DYRK1B: variants seen among roughly 807,000 people sequenced by gnomAD.
The protein encoded by DYRK1B is dual specificity tyrosine phosphorylation regulated kinase 1B.
In DYRK1B, 20 loss-of-function variants were observed where a neutral mutation model predicts 57.1. That is an observed-to-expected ratio of 0.35 (90% CI 0.25 to 0.51). DYRK1B has a LOEUF of 0.51. DYRK1B is among the 20% of genes least tolerant of loss of function. DYRK1B has a pLI of 0.96. For missense variants in DYRK1B, 732 were observed against 886.3 expected (o/e 0.83, Z 2.21); for synonymous variants, 409 against 384.7 (o/e 1.06, Z -0.74).
chr19:39,832,068 A>C (rs771858153), intron 1 of DYRK1B, 100 bp from the exon 2 acceptor site: 92 of 1,297,214 alleles, frequency 7.1e-5, no homozygotes, highest in Non-Finnish European at 8.6e-5. Flanking sequence ...GGGCACAGAG[A>C]GAAGAGGAAA....
chr19:39,833,456 A>G, intron 1 of DYRK1B: 1 of 572,938 alleles, frequency 1.7e-6, no homozygotes, highest in Non-Finnish European at 2.2e-6. Flanking sequence ...AGCAGCCGCC[A>G]CTGCCACCGG....
In DYRK1B at chr19:39,828,148, G is replaced by A; in HGVS notation, c.807+149C>T. On this transcript the variant is annotated intron_variant, in intron 6 of 10. Coordinates refer to ENST00000323039, the MANE Select transcript of DYRK1B (RefSeq NM_004714.3). The surrounding 1 kb of genome is among the most constrained non-coding windows in gnomAD (Gnocchi z 4.3). ...TTCACCCTTCCCATCCTAGTGGGCAGTATATTCACACCCCCACCCCAAGCA... is the reference window on the plus strand; with the variant it reads ...TTCACCCTTCCCATCCTAGTGGGCAATATATTCACACCCCCACCCCAAGCA... 1.1e-6 allele frequency: 1 copy of A among 890,968 alleles called. No homozygotes were observed. The highest frequency in any genetic ancestry group is 1.7e-5 in the South Asian group (1 of 57,274). The allele number at this position is 890,968 out of a possible 1,614,324, so 55.2% of individuals were successfully genotyped here.
intron 1 of DYRK1B, among the ~76,000 whole-genome samples, chr19:39,833,805 AC>A (rs1968947623): frequency 1.3e-5 from 2 of 151,960 alleles, no homozygotes; most frequent in African/African-American, 4.8e-5. Context: ...GGGCCCGGCT[AC>A]CCCCTCCCAG....
rs557729386 is a variant in DYRK1B at position 39,826,723 on chromosome 19, G to A, written c.1360C>T (p.Pro454Ser). The A allele has an allele frequency of 6.2e-7, 1 of 1,603,710 alleles. No individual in the cohort carries two copies. Among genetic ancestry groups the A allele is most frequent in the South Asian group, 1.1e-5 (1 of 89,230 alleles). The change falls in exon 9 of 11, where the codon CCC (proline) becomes TCC (serine). Residue 454 changes from proline (P) to serine (S), a missense_variant. By Grantham distance (74) the Pro-to-Ser change is moderately conservative. This residue lies in a region of DYRK1B where 510 missense variants were observed against 681.3 expected (regional missense o/e 0.75). Coordinates refer to ENST00000323039, the MANE Select transcript of DYRK1B (RefSeq NM_004714.3). This position sits in a 1 kb window ranked among gnomAD's most constrained non-coding sequence, Gnocchi z 6.3. ...CTGGAAGAGGGGCAGGTGTCGAGGG[G>A]CGCGGGCGAGGTGGAGGCACTGCTG... Reference protein sequence around the residue: ...AGSSASTSPAPLDTCPSSSTA... With the variant: ...AGSSASTSPASLDTCPSSSTA...
At chr19:39,829,017 C>T (rs1968679991) in intron 5 of DYRK1B, among the ~76,000 whole-genome samples, 1 of 152,162 alleles carries the variant, frequency 6.6e-6, no homozygotes. Flanking sequence ...GAGCAGGAAT[C>T]AGTTTAAGGG....
At chr19:39,827,211 A>T (rs1195382897) in intron 8 of DYRK1B, 74 bp downstream of exon 8, 3 of 1,503,172 alleles carry the variant, frequency 2.0e-6, no homozygotes, top group Middle Eastern at 4.6e-4. Flanking sequence ...AGGGAGAGGG[A>T]GCAGGGGGAG....
In DYRK1B at chr19:39,827,576, C is replaced by T; in HGVS notation, c.888G>A (p.Met296Ile). Residue 296 changes from methionine to isoleucine, a missense_variant, in exon 7 of 11, where the codon ATG becomes ATA. Coordinates refer to ENST00000323039, the MANE Select transcript of DYRK1B (RefSeq NM_004714.3). The stretch of plus-strand genomic sequence containing the variant: ...CCACAAGGATGCAGCCCAGGGACCA[C>T]ATGTCAATGGCCAGGTCGTAGGGTG... ...LGTPYDLAID[M>I]WSLGCILVEM... 3 of 1,614,144 alleles carry T rather than the reference C, an allele frequency of 1.9e-6. No homozygotes were observed. In the South Asian group the frequency reaches 3.3e-5, roughly 18 times the overall value.
chr19:39,825,505 G>A lies in DYRK1B; in HGVS notation c.*210C>T. On this transcript the variant is annotated 3_prime_UTR_variant, in exon 11 of 11. Transcript: ENST00000323039. The stretch of plus-strand genomic sequence containing the variant: ...TACAATAAATAGAAAAAAAGGGGGA[G>A]AGGGGCCCAAGGGTCCAGTCCTTAG... 2 of 580,508 alleles carry A rather than the reference G, an allele frequency of 3.4e-6. No individual in the cohort carries two copies. The allele number at this position is 580,508 out of a possible 1,614,324, so 36.0% of individuals were successfully genotyped here. A position where few individuals can be genotyped will look rare whatever the true frequency, so the allele number is the denominator to read the frequency against.
chr19:39,827,105 A>G, intron 8 of DYRK1B, 118 bp from the exon 9 acceptor site: 1 of 1,177,484 alleles, frequency 8.5e-7, no homozygotes, highest in Non-Finnish European at 1.2e-6. Context: ...AAAAGCTAAG[A>G]AGAGTTGTGG....
Position 39,828,661 on chromosome 19 carries a change from C to T in DYRK1B, c.521-78G>A, listed in dbSNP as rs1968659027. 6.9e-7 allele frequency: 1 copy of T among 1,443,110 alleles called. No homozygotes were observed. Among genetic ancestry groups the T allele is most frequent in the Non-Finnish European group, 9.4e-7 (1 of 1,062,960 alleles). The allele number at this position is 1,443,110 out of a possible 1,614,324, so 89.4% of individuals were successfully genotyped here. ...GGTGGTGGCCTGGGGTCATACAACG[C>T]TCTTTGATTACTAGCCACATTGTGC... On this transcript the variant is annotated intron_variant, in intron 5 of 10. Transcript: ENST00000323039. The surrounding 1 kb of genome is among the most constrained non-coding windows in gnomAD (Gnocchi z 4.3).
chr19:39,831,983 GA>G lies in DYRK1B; in HGVS notation c.-101-16del. 1 of 1,419,962 alleles carries G rather than the reference GA, an allele frequency of 7.0e-7. No homozygotes were observed. The highest frequency in any genetic ancestry group is 9.2e-7 in the Non-Finnish European group (1 of 1,089,630). The allele number at this position is 1,419,962 out of a possible 1,614,324, so 88.0% of individuals were successfully genotyped here. A position where few individuals can be genotyped will look rare whatever the true frequency, so the allele number is the denominator to read the frequency against. On this transcript the variant is annotated splice_polypyrimidine_tract_variant and intron_variant, in intron 1 of 10. Coordinates refer to ENST00000323039, the MANE Select transcript of DYRK1B (RefSeq NM_004714.3). Reference sequence around the variant, plus strand: ...GCCGCTGAGACCTGAGAGCAGACAGGAAGTGGGAAAACAACATGGAACAAGG... The same window carrying G: ...GCCGCTGAGACCTGAGAGCAGACAGGAGTGGGAAAACAACATGGAACAAGG...
chr19:39,833,175 A>G (rs1403641004), intron 1 of DYRK1B: 1 of 984,624 alleles, frequency 1.0e-6, no homozygotes, highest in Non-Finnish European at 1.2e-6. Context: ...CCACTCCACG[A>G]CTCCTCCACC....
At position 39,828,182 on chromosome 19, in the gene DYRK1B, C is replaced by G. The variant is rs1968627716; in HGVS notation, c.807+115G>C. 1 of 1,189,800 alleles carries G rather than the reference C, an allele frequency of 8.4e-7. No homozygotes were observed. Among genetic ancestry groups the G allele is most frequent in the East Asian group, 2.5e-5 (1 of 40,256 alleles). 73.7% of individuals were successfully genotyped at this position (1,189,800 alleles called of 1,614,324 possible). On this transcript the variant is annotated intron_variant, in intron 6 of 10. Coordinates refer to ENST00000323039, the MANE Select transcript of DYRK1B (RefSeq NM_004714.3). The surrounding 1 kb of genome is among the most constrained non-coding windows in gnomAD (Gnocchi z 4.3). The stretch of plus-strand genomic sequence containing the variant: ...CACCCCCACCCCAAGCATTATCCCT[C>G]AGTTCCCACGGCTCCTAATAATCCC...
At position 39,825,457 on chromosome 19, in the gene DYRK1B, C is replaced by T. The variant is rs1292200826; in HGVS notation, c.*258G>A. ...CTGGGGTGAGGGGGGGTCTTCCCTC[C>T]ACCGGACCACCACTGTCTTTGGTAC... On this transcript the variant is annotated 3_prime_UTR_variant, in exon 11 of 11. Transcript: ENST00000323039. 2 of 503,804 alleles carry T rather than the reference C, an allele frequency of 4.0e-6. No homozygotes were observed. The highest frequency in any genetic ancestry group is 7.1e-6 in the Non-Finnish European group (2 of 283,266). 31.2% of individuals were successfully genotyped at this position (503,804 alleles called of 1,614,324 possible). A position where few individuals can be genotyped will look rare whatever the true frequency, so the allele number is the denominator to read the frequency against.
chr19:39,830,541 C>A lies in DYRK1B; in HGVS notation c.206G>T (p.Arg69Leu), dbSNP rs765576879. ...CTGGGGTGGCGCCTGCTGGGCCCGC[C>A]GCTTCTTCTTCGCATAGTATACCTG... ...INEVYYAKKK[R>L]RAQQAPPQDS... is the part of the protein sequence containing the mutation. Residue 69 changes from arginine (R) to leucine (L), a missense_variant, in exon 4 of 11, where the codon CGG becomes CTG. Transcript: ENST00000323039. 4 of 1,614,150 alleles carry A rather than the reference C, an allele frequency of 2.5e-6. No homozygotes were observed. Among genetic ancestry groups the A allele is most frequent in the Non-Finnish European group, 3.4e-6 (4 of 1,180,036 alleles).
intron 2 of DYRK1B, among the ~76,000 whole-genome samples, chr19:39,831,219 A>G (rs1244774000): frequency 6.6e-6 from 1 of 152,082 alleles, no homozygotes; most frequent in Non-Finnish European, 1.5e-5. Flanking sequence ...CTCTTTGCAC[A>G]GTTCTTTCAC....
At chr19:39,827,014 G>GGGGGGGGGGGGGGGGGGGGGCCC in intron 8 of DYRK1B, 27 bp from the exon 9 acceptor site, 1 of 419,600 alleles carries the variant, frequency 2.4e-6, no homozygotes, top group Non-Finnish European at 4.3e-6. Context: ...GGGAGGGGGG[G>GGGGGGGGGGGGGGGGGGGGGCCC]CAAGAGAGTG....
intron 4 of DYRK1B, 138 bp from the exon 5 acceptor site, chr19:39,830,165 G>A (rs1488683386): frequency 2.1e-5 from 26 of 1,211,630 alleles, no homozygotes; most frequent in African/African-American, 4.6e-5. Flanking sequence ...TTAGTCAGGC[G>A]CTGGTGTAAA....
At position 39,825,729 on chromosome 19, in the gene DYRK1B, C is replaced by T. The variant is rs1369993746; in HGVS notation, c.1876G>A (p.Ala626Thr). 1 of 1,553,308 alleles carries T rather than the reference C, an allele frequency of 6.4e-7. No individual in the cohort carries two copies. Among genetic ancestry groups the T allele is most frequent in the Admixed American group, 2.0e-5 (1 of 51,240 alleles). Reference protein sequence around the residue: ...LGLRGVPQSTAASS With the variant: ...LGLRGVPQSTTASS ...AGGGGGCAGGGTCACGAGCTGGCTG[C>T]TGTGCTCTGGGGTACACCACGGAGG... is the stretch of plus-strand genomic sequence containing the variant. The change falls in exon 11 of 11, where the codon GCA (alanine) becomes ACA (threonine). Residue 626 changes from alanine to threonine, a missense_variant. Ala to Thr is a moderately conservative substitution (Grantham distance 58). Transcript: ENST00000323039.
Sources: gnomAD v4.1 joint callset for allele counts (sites outside exome capture counted in the v4.1 genomes callset) on GRCh38, gnomAD v4.1.1 for gene constraint, gnomAD v4.1.1 regional missense constraint, Gnocchi (gnomAD v3.1) non-coding constraint, MANE v1.5 for transcripts, NCBI Gene and HGNC (gene_info 2026-07-23, HGNC 2026-07-21) for gene names.